The following CSMD1 variants were observed in gnomAD, a reference collection of about 807,000 sequenced individuals.
The protein encoded by CSMD1 is CUB and sushi domain-containing protein 1.
CSMD1 carries 213 observed loss-of-function variants against 417.5 expected under a neutral mutation model. The observed-to-expected ratio is 0.51, with a 90% confidence interval of 0.46 to 0.57. The LOEUF (loss-of-function observed/expected upper bound fraction) is 0.57. Ranked by LOEUF, CSMD1 falls within the 20% of genes least tolerant of loss-of-function variation. The pLI, the probability that CSMD1 is intolerant of heterozygous loss-of-function variation, is 0.00. For synonymous variants in CSMD1, 2,862 were observed against 1,736.8 expected, an observed-to-expected ratio of 1.65 and a Z score of -16.11; for missense variants, 6,923 against 4,529.7, an observed-to-expected ratio of 1.53 and a Z score of -15.17.
chr8:3,547,203 T>A (rs983743024), intron 10 of CSMD1, among the ~76,000 whole-genome samples: 1 of 152,238 alleles, frequency 6.6e-6, no homozygotes. Flanking sequence ...CAGGGCCACA[T>A]GGCTTTGACT....
chr8:3,625,743 G>T (rs1796459830), intron 7 of CSMD1, among the ~76,000 whole-genome samples: 2 of 152,064 alleles, frequency 1.3e-5, no homozygotes. Flanking sequence ...ACTCCCTACA[G>T]AGATCCTATG....
intron 18 of CSMD1, among the ~76,000 whole-genome samples, chr8:3,375,650 G>T (rs967274631): frequency 4.5e-4 from 69 of 152,246 alleles, no homozygotes; most frequent in African/African-American, 1.5e-3. Flanking sequence ...CCAGTAGGAA[G>T]GAGGGGAGTA....
chr8:4,427,970 G>C (rs150941624), intron 2 of CSMD1, among the ~76,000 whole-genome samples: 2,005 of 152,210 alleles, frequency 0.013, 44 homozygotes, highest in African/African-American at 0.045. Context: ...CTGACTCCTT[G>C]CTGTGACACC....
chr8:3,580,272 G>GAAAGGCAGATAAAAGATTTGTA (rs1371699319), intron 9 of CSMD1, among the ~76,000 whole-genome samples: 1 of 152,160 alleles, frequency 6.6e-6, no homozygotes, highest in Non-Finnish European at 1.5e-5. Context: ...CTGCTTTGAA[G>GAAAGGCAGATAAAAGATTTGTA]AAAGGCAGAT....
chr8:4,992,791 G>T (rs1353190939), intron 1 of CSMD1, among the ~76,000 whole-genome samples: 1 of 152,226 alleles, frequency 6.6e-6, no homozygotes, highest in African/African-American at 2.4e-5. Context: ...CCGGGCGGGT[G>T]GGCAGAGGGT....
chr8:4,242,731 C>T (rs1231404020), intron 3 of CSMD1, among the ~76,000 whole-genome samples: 1 of 152,052 alleles, frequency 6.6e-6, no homozygotes, highest in Non-Finnish European at 1.5e-5. Context: ...AGTTGAGTGG[C>T]TCTCCTGCAG....
intron 4 of CSMD1, among the ~76,000 whole-genome samples, chr8:4,023,362 G>C (rs1324930999): frequency 6.6e-6 from 1 of 152,112 alleles, no homozygotes; most frequent in Non-Finnish European, 1.5e-5. Context: ...GAAACAAGCA[G>C]AACAACAATG....
intron 1 of CSMD1, among the ~76,000 whole-genome samples, chr8:4,814,198 G>T (rs550199116): frequency 6.1e-5 from 9 of 146,960 alleles, no homozygotes; most frequent in Non-Finnish European, 1.3e-4. Flanking sequence ...GAATGATTTT[G>T]TGTGTGTGTG....
At chr8:3,345,299 G>A (rs1807916143) in intron 22 of CSMD1, among the ~76,000 whole-genome samples, 2 of 152,098 alleles carry the variant, frequency 1.3e-5, no homozygotes, top group African/African-American at 4.8e-5. Context: ...CACTAAAAAT[G>A]AACAGCTCAA....
At chr8:4,194,579 C>T (rs1038922452) in intron 3 of CSMD1, among the ~76,000 whole-genome samples, 1 of 152,040 alleles carries the variant, frequency 6.6e-6, no homozygotes, top group Non-Finnish European at 1.5e-5. Flanking sequence ...ACGCCATTTT[C>T]TTTTGTTTCC....
intron 12 of CSMD1, among the ~76,000 whole-genome samples, chr8:3,447,313 A>C (rs1483409308): frequency 6.6e-6 from 1 of 150,764 alleles, no homozygotes; most frequent in African/African-American, 2.5e-5. Context: ...AAAAATCCTA[A>C]TTCAGTTTAG....
At chr8:3,652,098 C>G (rs1417661184) in intron 7 of CSMD1, among the ~76,000 whole-genome samples, 2 of 133,902 alleles carry the variant, frequency 1.5e-5, no homozygotes, top group Non-Finnish European at 3.3e-5. Flanking sequence ...ATCAGAGCAC[C>G]TACCACCATC....
chr8:4,359,644 C>A lies in CSMD1; in HGVS notation c.415+60309G>T, dbSNP rs531456180. On this transcript the variant is annotated intron_variant, in intron 3 of 69. Transcript: ENST00000635120. ...GAACCTGTGTTTGAGTCATGCTCCC[C>A]TTGCAAATGTGTGTGGTTGATTCTG... 2.6e-5 allele frequency among the ~76,000 whole-genome samples: 4 copies of A among 152,288 alleles called. 1 individual carries two copies. In the South Asian group the frequency reaches 6.2e-4, roughly 24 times the overall value.
chr8:3,667,294 A>C (rs1798743763), intron 7 of CSMD1, among the ~76,000 whole-genome samples: 2 of 152,162 alleles, frequency 1.3e-5, no homozygotes, highest in Non-Finnish European at 2.9e-5. Flanking sequence ...GGGTTATGTG[A>C]AAAATAAGGA....
At chr8:4,015,348 G>A (rs999511506) in intron 4 of CSMD1, among the ~76,000 whole-genome samples, 3 of 151,994 alleles carry the variant, frequency 2.0e-5, no homozygotes, top group East Asian at 1.9e-4. Flanking sequence ...TGGCTATGTC[G>A]TTCCTAGTTT....
intron 3 of CSMD1, among the ~76,000 whole-genome samples, chr8:4,049,237 C>T (rs1399022136): frequency 1.1e-4 from 16 of 151,986 alleles, no homozygotes; most frequent in Non-Finnish European, 5.9e-5. Flanking sequence ...ACTTCTCAAC[C>T]TTGACATCAC....
intron 16 of CSMD1, 62 bp from the exon 17 acceptor site, chr8:3,396,443 C>T (rs148421743): frequency 0.012 from 14,639 of 1,178,834 alleles, 103 homozygotes; most frequent in Non-Finnish European, 0.014. Context: ...AGACGTGCTC[C>T]TGACATCCTC....
intron 7 of CSMD1, among the ~76,000 whole-genome samples, chr8:3,665,694 T>C (rs1798653778): frequency 6.6e-6 from 1 of 152,156 alleles, no homozygotes; most frequent in Non-Finnish European, 1.5e-5. Flanking sequence ...TCAGGAAATG[T>C]GAAACCATCG....
At chr8:3,062,286 T>C (rs925754643) in intron 49 of CSMD1, among the ~76,000 whole-genome samples, 1 of 152,100 alleles carries the variant, frequency 6.6e-6, no homozygotes, top group African/African-American at 2.4e-5. Context: ...AAGGCTGAGA[T>C]AGAAAATAAC....
Sources: gnomAD v4.1 joint callset for allele counts (sites outside exome capture counted in the v4.1 genomes callset) on GRCh38, gnomAD v4.1.1 for gene constraint, MANE v1.5 for transcripts, NCBI Gene and HGNC (gene_info 2026-07-23, HGNC 2026-07-21) for gene names.